The following MYO1E variants were observed in gnomAD, a reference collection of about 807,000 sequenced individuals.
MYO1E encodes the protein myosin IE, also known as unconventional myosin-Ie.
A neutral mutation model predicts 151.1 loss-of-function variants in MYO1E; 68 were observed. The ratio of observed to expected loss-of-function variants is 0.45; its 90% CI spans 0.37 to 0.55. The LOEUF is 0.55. Ranked by LOEUF, MYO1E falls within the 20% of genes least tolerant of loss-of-function variation. MYO1E has a pLI of 0.00. For missense variants in MYO1E, 1,363 were observed against 1,389.3 expected (o/e 0.98, Z 0.30); for synonymous variants, 601 against 501.7 (o/e 1.20, Z -2.64).
rs550066379 is a variant in MYO1E at position 59,170,589 on chromosome 15, A to AAAAAAAAAC, written c.2480+1299_2480+1307dup. On this transcript the variant is annotated intron_variant, in intron 22 of 27. Coordinates refer to ENST00000288235, the MANE Select transcript of MYO1E (RefSeq NM_004998.4). ...AAATCAGTCAGCGCCTAGAGCTTTA[A>AAAAAAAAAC]AAAAAAAACAAAAAAAACAATAGCC... Among the ~76,000 whole-genome samples, 49 of 151,834 alleles carry AAAAAAAAAC rather than the reference A, an allele frequency of 3.2e-4. No homozygotes were observed. In the South Asian group the frequency reaches 7.3e-3, roughly 23 times the overall value.
intron 4 of MYO1E, among the ~76,000 whole-genome samples, chr15:59,255,326 C>T (rs1283336548): frequency 2.0e-5 from 3 of 152,084 alleles, no homozygotes; most frequent in Non-Finnish European, 2.9e-5. Context: ...CCATGTTGCC[C>T]AGGCTGGTCT....
chr15:59,308,044 CTG>C (rs2080525582), intron 1 of MYO1E, among the ~76,000 whole-genome samples: 1 of 145,986 alleles, frequency 6.8e-6, no homozygotes, highest in Non-Finnish European at 1.5e-5. Context: ...TGGTGAAACC[CTG>C]TCTCTATTAA....
Position 59,231,729 on chromosome 15 carries a change from G to C in MYO1E, c.483C>G (p.Thr161=). The C allele has an allele frequency of 6.2e-7, 1 of 1,614,118 alleles. No individual in the cohort carries two copies. The highest frequency in any genetic ancestry group is 8.5e-7 in the Non-Finnish European group (1 of 1,180,010). The change falls in exon 6 of 28, where the codon ACC becomes ACG. Residue 161 remains threonine (T), a synonymous_variant. Transcript: ENST00000288235. The part of the protein sequence containing the change: ...PLLEAFGNAK[T]VRNNNSSRFG... ...ATCGGCTGGAGTTGTTGTTCCGGAC[G>C]GTCTTGGCGTTCCCGAAGGCCTCCA... is the stretch of plus-strand genomic sequence containing the variant.
intron 1 of MYO1E, among the ~76,000 whole-genome samples, chr15:59,327,038 AG>A (rs1194354439): frequency 6.6e-6 from 1 of 152,216 alleles, no homozygotes; most frequent in East Asian, 1.9e-4. Flanking sequence ...ACTGGAACCT[AG>A]GTGGGGCTTT....
chr15:59,372,869 C>G lies in MYO1E; in HGVS notation c.-369G>C. The G allele has an allele frequency of 3.1e-6, 1 of 324,814 alleles. No individual in the cohort carries two copies. The highest frequency in any genetic ancestry group is 2.2e-5 in the African/African-American group (1 of 45,964). 20.1% of individuals were successfully genotyped at this position (324,814 alleles called of 1,614,324 possible). A position where few individuals can be genotyped will look rare whatever the true frequency, so the allele number is the denominator to read the frequency against. On this transcript the variant is annotated 5_prime_UTR_variant, in exon 1 of 28. Coordinates refer to ENST00000288235, the MANE Select transcript of MYO1E (RefSeq NM_004998.4). The stretch of plus-strand genomic sequence containing the variant: ...TTAATCCGTACTCCTCTGGCTGAGT[C>G]TCGGCTCGGGCCGGGCAATCTGTCC...
chr15:59,338,543 A>G (rs2080744128), intron 1 of MYO1E, among the ~76,000 whole-genome samples: 1 of 152,170 alleles, frequency 6.6e-6, no homozygotes, highest in African/African-American at 2.4e-5. Context: ...CCCTGCCTGC[A>G]AGATGTCCTC....
intron 2 of MYO1E, among the ~76,000 whole-genome samples, chr15:59,271,399 T>C (rs182624550): frequency 3.3e-5 from 5 of 152,340 alleles, no homozygotes; most frequent in East Asian, 1.9e-4. Context: ...GAAGGCACTA[T>C]TGGCATCAAA....
intron 2 of MYO1E, among the ~76,000 whole-genome samples, chr15:59,271,671 C>T (rs1238559362): frequency 8.5e-5 from 13 of 152,154 alleles, no homozygotes; most frequent in African/African-American, 2.9e-4. Flanking sequence ...AACTGAAGAA[C>T]GTCAAGCATT....
intron 26 of MYO1E, among the ~76,000 whole-genome samples, chr15:59,144,037 G>A (rs1320414702): frequency 6.6e-6 from 1 of 152,224 alleles, no homozygotes; most frequent in Middle Eastern, 3.2e-3. Flanking sequence ...TGTTGACAGT[G>A]TGTAGCAGGA....
At chr15:59,358,162 G>A (rs1351614222) in intron 1 of MYO1E, among the ~76,000 whole-genome samples, 1 of 152,112 alleles carries the variant, frequency 6.6e-6, no homozygotes, top group African/African-American at 2.4e-5. Flanking sequence ...CTCCATGCTT[G>A]CTTGGAGAGT....
At chr15:59,207,702 C>T (rs2079847887) in intron 14 of MYO1E, 1 of 1,614,004 alleles carries the variant, frequency 6.2e-7, no homozygotes, top group African/African-American at 1.3e-5. Flanking sequence ...GTGGAGTGAA[C>T]ATAGCTGGTG....
chr15:59,185,042 T>C (rs1354609864), intron 18 of MYO1E, among the ~76,000 whole-genome samples: 6 of 152,238 alleles, frequency 3.9e-5, no homozygotes, highest in Non-Finnish European at 8.8e-5. Context: ...ATCAATGATA[T>C]TGAACACGTT....
At chr15:59,267,733 A>C (rs1390151600) in intron 2 of MYO1E, among the ~76,000 whole-genome samples, 1 of 152,248 alleles carries the variant, frequency 6.6e-6, no homozygotes, top group African/African-American at 2.4e-5. Context: ...TCGTCGGCCA[A>C]GTGGTCAGAA....
chr15:59,325,850 G>A (rs1235916485), intron 1 of MYO1E, among the ~76,000 whole-genome samples: 3 of 152,080 alleles, frequency 2.0e-5, no homozygotes, highest in African/African-American at 7.2e-5. Flanking sequence ...TTCAGTGTCT[G>A]ACCTGTCAAA....
chr15:59,292,890 T>TC (rs2140397979), intron 1 of MYO1E, among the ~76,000 whole-genome samples: 1 of 152,316 alleles, frequency 6.6e-6, no homozygotes, highest in African/African-American at 2.4e-5. Context: ...CCTTGTTGTA[T>TC]AAAGTCTCAG....
At chr15:59,280,748 G>A (rs1426292996) in intron 1 of MYO1E, among the ~76,000 whole-genome samples, 1 of 151,924 alleles carries the variant, frequency 6.6e-6, no homozygotes, top group Non-Finnish European at 1.5e-5. Context: ...AGCATCTTAG[G>A]TGTGATATAT....
At position 59,246,770 on chromosome 15, in the gene MYO1E, G is replaced by C. The variant is rs1206541916; in HGVS notation, c.332+9514C>G. ...GACAAATCCACTGGATAACAAGTCA[G>C]GTAAAATACAGAAACTGCCCAGGTA... On this transcript the variant is annotated intron_variant, in intron 4 of 27. Transcript: ENST00000288235. Among the ~76,000 whole-genome samples the C allele has an allele frequency of 2.0e-5, 3 of 152,132 alleles. No homozygotes were observed. The East Asian group carries it at 5.8e-4, about 29-fold the overall frequency.
chr15:59,165,831 A>C (rs1424570937), intron 22 of MYO1E, among the ~76,000 whole-genome samples: 2 of 152,242 alleles, frequency 1.3e-5, no homozygotes, highest in African/African-American at 4.8e-5. Flanking sequence ...AGAGTAAAAC[A>C]AGAAGCTCCA....
rs557626765 is a variant in MYO1E at position 59,139,453 on chromosome 15, ACTTTC to A, written c.3081-1091_3081-1087del. On this transcript the variant is annotated intron_variant, in intron 26 of 27. Transcript: ENST00000288235. Reference sequence around the variant, plus strand: ...TCCCACCCCTTCATTATTACTCCTCACTTTCCTTTCACCCGCTCATTACTCTGCAG... The same window carrying A: ...TCCCACCCCTTCATTATTACTCCTCACTTTCACCCGCTCATTACTCTGCAG... Among the ~76,000 whole-genome samples, 224 of 141,832 alleles carry A rather than the reference ACTTTC, an allele frequency of 1.6e-3. 1 individual carries two copies. The highest frequency in any genetic ancestry group is 5.3e-3 in the African/African-American group (200 of 37,572). 93.0% of individuals were successfully genotyped at this position (141,832 alleles called of 152,430 possible). A position where few individuals can be genotyped will look rare whatever the true frequency, so the allele number is the denominator to read the frequency against.
Sources: allele counts gnomAD v4.1 joint callset (sites outside exome capture counted in the v4.1 genomes callset), GRCh38; gene constraint gnomAD v4.1.1; transcripts MANE v1.5; gene names NCBI Gene and HGNC (gene_info 2026-07-23, HGNC 2026-07-21).